SLC16A4: variants seen among roughly 807,000 people sequenced by gnomAD.
The protein encoded by SLC16A4 is probable monocarboxylate transporter 5.
In SLC16A4, 39 loss-of-function variants were observed where a neutral mutation model predicts 47.9. The observed-to-expected ratio is 0.81, with a 90% CI of 0.63 to 1.06. The LOEUF is 1.06. SLC16A4 is among the 50% of genes least tolerant of loss of function. The pLI, the probability that SLC16A4 is intolerant of heterozygous loss-of-function variation, is 0.00. For missense variants in SLC16A4, 524 were observed against 573.8 expected, an observed-to-expected ratio of 0.91 and a Z score of 0.89; for synonymous variants, 189 against 199.9, an observed-to-expected ratio of 0.95 and a Z score of 0.46.
intron 2 of SLC16A4, among the ~76,000 whole-genome samples, chr1:110,386,881 T>C (rs1265711737): frequency 6.6e-6 from 1 of 152,248 alleles, no homozygotes; most frequent in East Asian, 1.9e-4. Flanking sequence ...TCCACTGTAC[T>C]AGCTCTTATC....
intron 8 of SLC16A4, among the ~76,000 whole-genome samples, chr1:110,373,348 T>C (rs957162094): frequency 1.3e-5 from 2 of 152,202 alleles, no homozygotes; most frequent in African/African-American, 4.8e-5. Context: ...AGGATCAAGA[T>C]TGAAAAAAAT....
At chr1:110,375,947 T>TCCCA (rs2101021078) in intron 7 of SLC16A4, among the ~76,000 whole-genome samples, 1 of 152,300 alleles carries the variant, frequency 6.6e-6, no homozygotes, top group Non-Finnish European at 1.5e-5. Context: ...TGGTGTGATC[T>TCCCA]TGGCTCACTG....
At chr1:110,380,359 A>ATTTT in intron 5 of SLC16A4, among the ~76,000 whole-genome samples, 1 of 152,172 alleles carries the variant, frequency 6.6e-6, no homozygotes, top group Non-Finnish European at 1.5e-5. Flanking sequence ...AGGCATATGA[A>ATTTT]TACACACATA....
At chr1:110,366,067 G>T (rs1345660078) in intron 8 of SLC16A4, among the ~76,000 whole-genome samples, 2 of 151,584 alleles carry the variant, frequency 1.3e-5, no homozygotes, top group Non-Finnish European at 2.9e-5. Context: ...GGGATTACAG[G>T]TGTGAGCCAT....
intron 2 of SLC16A4, among the ~76,000 whole-genome samples, chr1:110,387,226 C>G (rs114529982): frequency 1.3e-5 from 2 of 152,158 alleles, no homozygotes; most frequent in Non-Finnish European, 2.9e-5. Flanking sequence ...AGCATATACT[C>G]ATGAGCAATG....
intron 7 of SLC16A4, 95 bp downstream of exon 7, chr1:110,376,855 A>T: frequency 9.5e-7 from 1 of 1,050,692 alleles, no homozygotes; most frequent in Non-Finnish European, 1.4e-6. Flanking sequence ...TTTTTAAGTT[A>T]CAAAATTAAT....
intron 8 of SLC16A4, chr1:110,370,427 G>C (rs910096216): frequency 6.6e-6 from 1 of 152,132 alleles, no homozygotes; most frequent in South Asian, 2.1e-4. Context: ...GGTAATAGTG[G>C]AGCGAGGACC....
At chr1:110,370,859 A>G (rs1328959171) in intron 8 of SLC16A4, 1 of 152,230 alleles carries the variant, frequency 6.6e-6, no homozygotes, top group Non-Finnish European at 1.5e-5. Context: ...AATGTCTTCA[A>G]TTAAAGGTAA....
At chr1:110,376,865 T>A in intron 7 of SLC16A4, 85 bp downstream of exon 7, 1 of 1,121,674 alleles carries the variant, frequency 8.9e-7, no homozygotes, top group Non-Finnish European at 1.3e-6. Flanking sequence ...ACAAAATTAA[T>A]ACAAAATACG....
rs1310082739 is a variant in SLC16A4 at position 110,384,118 on chromosome 1, ACT to A, written c.88-1154_88-1153del. 2.0e-5 allele frequency among the ~76,000 whole-genome samples: 3 copies of A among 152,170 alleles called. No individual in the cohort carries two copies. The East Asian group carries it at 5.8e-4, about 29-fold the overall frequency. On this transcript the variant is annotated intron_variant, in intron 2 of 8. Transcript: ENST00000369779. ...AGATTAGACTGACTCTAGACCTGGC[ACT>A]CTTTTACTGCCCTCAGTAGCATCTG...
chr1:110,380,949 C>T, intron 5 of SLC16A4, 33 bp downstream of exon 5: 3 of 1,592,722 alleles, frequency 1.9e-6, no homozygotes, highest in Non-Finnish European at 1.7e-6. Flanking sequence ...AAATCTTGCA[C>T]AGTTGATAGT....
chr1:110,379,135 T>A lies in SLC16A4; in HGVS notation c.748A>T (p.Lys250Ter). 1 of 1,614,266 alleles carries A rather than the reference T, an allele frequency of 6.2e-7. No individual in the cohort carries two copies. The change falls in exon 6 of 9, where the codon AAA becomes TAA. Residue 250 changes from lysine (K) to a stop codon, truncating the protein, a stop_gained. Coordinates refer to ENST00000369779, the MANE Select transcript of SLC16A4 (RefSeq NM_004696.3). LOFTEE classifies it high-confidence loss of function. ...STTQKAGLPSKNLTVSQNQSE... is the reference protein window; with the variant it reads ...STTQKAGLPS The stretch of plus-strand genomic sequence containing the variant: ...TGATTTTGTGAGACTGTTAAATTTT[T>A]GCTAGGTAGTCCAGCCTTCTGCGTA...
At chr1:110,388,883 G>C (rs192227169) in intron 2 of SLC16A4, among the ~76,000 whole-genome samples, 108 of 152,222 alleles carry the variant, frequency 7.1e-4, no homozygotes, top group Non-Finnish European at 7.9e-4. Context: ...GCTAATTTTT[G>C]TATTTTTGTA....
At chr1:110,364,077 C>A (rs1241006837) in intron 8 of SLC16A4, among the ~76,000 whole-genome samples, 184 bp from the exon 9 acceptor site, 1 of 152,194 alleles carries the variant, frequency 6.6e-6, no homozygotes, top group Non-Finnish European at 1.5e-5. Context: ...TAGGGACTTA[C>A]ACCATCTCCA....
intron 2 of SLC16A4, among the ~76,000 whole-genome samples, chr1:110,385,090 T>G (rs1662664192): frequency 6.6e-6 from 1 of 152,194 alleles, no homozygotes; most frequent in Non-Finnish European, 1.5e-5. Flanking sequence ...CCTGTTACAG[T>G]TCTGTACTCA....
chr1:110,381,560 A>G, intron 4 of SLC16A4, 92 bp downstream of exon 4: 1 of 1,300,618 alleles, frequency 7.7e-7, no homozygotes, highest in South Asian at 1.4e-5. Flanking sequence ...GACTCAAGCG[A>G]TCCACCCACT....
At chr1:110,380,312 A>G (rs1208628346) in intron 5 of SLC16A4, among the ~76,000 whole-genome samples, 3 of 152,170 alleles carry the variant, frequency 2.0e-5, no homozygotes, top group African/African-American at 7.2e-5. Flanking sequence ...CTGAATAGTT[A>G]GGAAAGATTC....
intron 8 of SLC16A4, among the ~76,000 whole-genome samples, chr1:110,374,638 A>G (rs1661883459): frequency 6.6e-6 from 1 of 152,266 alleles, no homozygotes; most frequent in South Asian, 2.1e-4. Flanking sequence ...TTCAGCAAGT[A>G]CAGAATGTCT....
rs57148886 is a variant in SLC16A4 at position 110,363,625 on chromosome 1, CA to C, written c.*140del. The C allele has an allele frequency of 0.1, 48,346 of 484,874 alleles. 3 individuals are homozygous for C. The highest frequency in any genetic ancestry group is 0.15 in the East Asian group (2,894 of 18,766). The allele number at this position is 484,874 out of a possible 1,614,324, so 30.0% of individuals were successfully genotyped here. ...TGGGCGAAAGAGCGAGACTCCGTCT[CA>C]AAAAAAAAAAAAAAAAAATTGTTTT... On this transcript the variant is annotated 3_prime_UTR_variant, in exon 9 of 9. Coordinates refer to ENST00000369779, the MANE Select transcript of SLC16A4 (RefSeq NM_004696.3).
Sources: gnomAD v4.1 joint callset for allele counts (sites outside exome capture counted in the v4.1 genomes callset) on GRCh38, gnomAD v4.1.1 for gene constraint, MANE v1.5 for transcripts, NCBI Gene and HGNC (gene_info 2026-07-23, HGNC 2026-07-21) for gene names.